The following TMPRSS15 variants were observed in gnomAD, a reference collection of about 807,000 sequenced individuals.
TMPRSS15 encodes the protein transmembrane serine protease 15.
A neutral mutation model predicts 125.3 loss-of-function variants in TMPRSS15; 128 were observed. The ratio of observed to expected loss-of-function variants is 1.02; its 90% CI spans 0.89 to 1.18. TMPRSS15 has a LOEUF of 1.18. Among genes scored for constraint, TMPRSS15 ranks in the 50% most tolerant of loss-of-function variants. The probability of loss-of-function intolerance (pLI) is 0.00; values close to 1 mark genes in which losing one functional copy is unlikely to be tolerated. For missense variants in TMPRSS15, 1,283 were observed against 1,212.7 expected (o/e 1.06, Z -0.86); for synonymous variants, 446 against 423.2 (o/e 1.05, Z -0.66).
chr21:18,464,439 C>G, intron 1 of TMPRSS15, among the ~76,000 whole-genome samples: 1 of 151,616 alleles, frequency 6.6e-6, no homozygotes, highest in East Asian at 1.9e-4. Flanking sequence ...GATAGAGACA[C>G]GAGAAACCCT....
chr21:18,343,751 A>G (rs1286913294), intron 11 of TMPRSS15, 95 bp from the exon 12 acceptor site: 10 of 1,437,680 alleles, frequency 7.0e-6, no homozygotes, highest in Non-Finnish European at 9.7e-6. Flanking sequence ...CTTTGAAATA[A>G]TCTTTTTTTC....
At chr21:18,295,450 A>T (rs1434306622) in intron 19 of TMPRSS15, among the ~76,000 whole-genome samples, 1 of 152,218 alleles carries the variant, frequency 6.6e-6, no homozygotes, top group Non-Finnish European at 1.5e-5. Flanking sequence ...CACACACATT[A>T]TACATGCAGA....
At chr21:18,477,100 C>T (rs777838512) in intron 1 of TMPRSS15, among the ~76,000 whole-genome samples, 23 of 152,066 alleles carry the variant, frequency 1.5e-4, no homozygotes, top group Non-Finnish European at 2.4e-4. Context: ...TAATATGATA[C>T]GCCTTGACCA....
At chr21:18,482,719 T>C (rs1249354248) in intron 1 of TMPRSS15, among the ~76,000 whole-genome samples, 1 of 151,708 alleles carries the variant, frequency 6.6e-6, no homozygotes, top group Non-Finnish European at 1.5e-5. Flanking sequence ...TTTTTAAAAT[T>C]CCAAATGAAG....
chr21:18,296,152 C>CA lies in TMPRSS15; in HGVS notation c.2262-1501dup, dbSNP rs552349311. Among the ~76,000 whole-genome samples the CA allele has an allele frequency of 2.0e-5, 3 of 151,354 alleles. 1 individual carries two copies. The East Asian group carries it at 5.8e-4, about 29-fold the overall frequency. Reference sequence around the variant, plus strand: ...TGGGCAACAGAGCGAGACTCCGTCTCAAAAAAAGAAAAAAAATAAAGAATC... The same window carrying CA: ...TGGGCAACAGAGCGAGACTCCGTCTCAAAAAAAAGAAAAAAAATAAAGAATC... On this transcript the variant is annotated intron_variant, in intron 19 of 24. Coordinates refer to ENST00000284885, the MANE Select transcript of TMPRSS15 (RefSeq NM_002772.3).
At chr21:18,372,132 G>GTGTGTGTGTA (rs1487044486) in intron 6 of TMPRSS15, 61 bp downstream of exon 6, 8 of 1,427,412 alleles carry the variant, frequency 5.6e-6, no homozygotes, top group Non-Finnish European at 5.9e-6. Context: ...GTGTGTGTGT[G>GTGTGTGTGTA]TGTGTGTCTA....
At position 18,281,138 on chromosome 21, in the gene TMPRSS15, C is replaced by G. The variant is rs756065153; in HGVS notation, c.2570G>C (p.Arg857Pro). ...GTTTATGACAATTTCATCTATTAAT[C>G]GAGGGACTGTTTGAGGAGAGGTCAG... ...SNLTSPQTVPRLIDEIVINPH... is the reference protein window; with the variant it reads ...SNLTSPQTVPPLIDEIVINPH... The change falls in exon 22 of 25, where the codon CGA becomes CCA. Residue 857 changes from arginine to proline, a missense_variant. Transcript: ENST00000284885. 2.5e-6 allele frequency: 4 copies of G among 1,613,794 alleles called. No individual in the cohort carries two copies. The South Asian group carries it at 4.4e-5, about 18-fold the overall frequency.
At chr21:18,303,285 T>C (rs1180960821) in intron 18 of TMPRSS15, among the ~76,000 whole-genome samples, 1 of 151,902 alleles carries the variant, frequency 6.6e-6, no homozygotes, top group Non-Finnish European at 1.5e-5. Context: ...CAGTTCCTTT[T>C]TGGAAAACAG....
Position 18,272,416 on chromosome 21 carries a change from T to C in TMPRSS15, c.2905-2292A>G, listed in dbSNP as rs117693986. Among the ~76,000 whole-genome samples, 600 of 152,276 alleles carry C rather than the reference T, an allele frequency of 3.9e-3. 7 individuals carry two copies. The highest frequency in any genetic ancestry group is 5.8e-3 in the Non-Finnish European group (397 of 68,022). ...TCATTCTTCCACTGTCTTGGAGATATATGAGTACTTCAAAAATATGCATGG... is the reference window on the plus strand; with the variant it reads ...TCATTCTTCCACTGTCTTGGAGATACATGAGTACTTCAAAAATATGCATGG... On this transcript the variant is annotated intron_variant, in intron 24 of 24. Transcript: ENST00000284885.
intron 15 of TMPRSS15, 28 bp downstream of exon 15, chr21:18,329,141 C>T: frequency 1.2e-6 from 2 of 1,610,762 alleles, no homozygotes; most frequent in Non-Finnish European, 1.7e-6. Context: ...GCTTTACAAC[C>T]TTTACAATAT....
At chr21:18,356,073 C>T (rs1177652152) in intron 8 of TMPRSS15, among the ~76,000 whole-genome samples, 1 of 151,836 alleles carries the variant, frequency 6.6e-6, no homozygotes, top group Non-Finnish European at 1.5e-5. Flanking sequence ...ATGTCTTCTA[C>T]TAAAAATCCA....
intron 1 of TMPRSS15, among the ~76,000 whole-genome samples, chr21:18,472,320 T>G (rs1030329070): frequency 6.6e-6 from 1 of 151,834 alleles, no homozygotes; most frequent in African/African-American, 2.4e-5. Context: ...TAGCCTGAAA[T>G]TAAATAAACG....
chr21:18,426,958 G>A lies in TMPRSS15; in HGVS notation c.11-28629C>T, dbSNP rs118146151. ...AAACAAACACATAAAGGAAGTGTTC[G>A]CCTCTGCATTTCTCCCCTCCGCCAT... On this transcript the variant is annotated intron_variant, in intron 1 of 7. Transcript: ENST00000422787. Among the ~76,000 whole-genome samples, 83 of 152,234 alleles carry A rather than the reference G, an allele frequency of 5.5e-4. No individual in the cohort carries two copies. In the East Asian group the frequency reaches 9.8e-3, roughly 18 times the overall value.
At chr21:18,347,869 A>G (rs1288558494) in intron 10 of TMPRSS15, among the ~76,000 whole-genome samples, 1 of 152,158 alleles carries the variant, frequency 6.6e-6, no homozygotes, top group African/African-American at 2.4e-5. Context: ...AGTGGCTCCC[A>G]TCTGTAATCC....
At chr21:18,438,543 A>C (rs1191136895) in intron 1 of TMPRSS15, among the ~76,000 whole-genome samples, 1 of 152,214 alleles carries the variant, frequency 6.6e-6, no homozygotes, top group Non-Finnish European at 1.5e-5. Flanking sequence ...AAATGGTAAA[A>C]TTAAAAGACA....
At chr21:18,389,280 A>G (rs1030539734) in intron 3 of TMPRSS15, among the ~76,000 whole-genome samples, 5 of 151,936 alleles carry the variant, frequency 3.3e-5, no homozygotes, top group Non-Finnish European at 7.4e-5. Flanking sequence ...GAAGGAAGGG[A>G]GGAAGATTAA....
At chr21:18,408,596 T>C (rs2076158269), upstream of TMPRSS15, among the ~76,000 whole-genome samples, 1 of 152,130 alleles carries the variant, frequency 6.6e-6, no homozygotes, top group South Asian at 2.1e-4. Flanking sequence ...TTTGACTTTC[T>C]ATATAATTTT....
intron 16 of TMPRSS15, 61 bp downstream of exon 16, chr21:18,326,371 G>A: frequency 2.5e-6 from 4 of 1,606,120 alleles, no homozygotes; most frequent in Middle Eastern, 1.7e-4. Context: ...TTGAAATTCT[G>A]TACACCTTTG....
At chr21:18,445,579 T>G (rs2076253980) in intron 1 of TMPRSS15, among the ~76,000 whole-genome samples, 1 of 152,182 alleles carries the variant, frequency 6.6e-6, no homozygotes, top group Admixed American at 6.5e-5. Flanking sequence ...ACTAGCAAAC[T>G]GAGGGCAATA....
Sources: gnomAD v4.1 joint callset for allele counts (sites outside exome capture counted in the v4.1 genomes callset) on GRCh38, gnomAD v4.1.1 for gene constraint, MANE v1.5 for transcripts, NCBI Gene and HGNC (gene_info 2026-07-23, HGNC 2026-07-21) for gene names.